Variants in ADK observed in about 807,000 individuals in gnomAD.
The protein encoded by ADK is N6,N6-dimethyladenosine kinase.
In ADK, 24 loss-of-function variants were observed where a neutral mutation model predicts 44.7. That is an observed-to-expected ratio of 0.54 (90% confidence interval 0.39 to 0.76). The LOEUF (loss-of-function observed/expected upper bound fraction) is 0.76. Among genes scored for constraint, ADK ranks in the 30% least tolerant of loss-of-function variants. ADK has a pLI of 0.00. For missense variants in ADK, 321 were observed against 425.1 expected (o/e 0.76, Z 2.15); for synonymous variants, 128 against 142.6 (o/e 0.90, Z 0.73).
chr10:74,414,753 A>G (rs1475431318), intron 6 of ADK, among the ~76,000 whole-genome samples: 1 of 152,086 alleles, frequency 6.6e-6, no homozygotes, highest in African/African-American at 2.4e-5. Context: ...CAGAGATCCT[A>G]TTTGTGTTTA....
chr10:74,279,642 T>C (rs552818205), intron 3 of ADK, among the ~76,000 whole-genome samples: 21 of 152,276 alleles, frequency 1.4e-4, no homozygotes, highest in African/African-American at 4.8e-4. Context: ...TGCCAAACTT[T>C]TGATTTTTTC....
At chr10:74,210,561 C>T (rs1843777321) in intron 2 of ADK, among the ~76,000 whole-genome samples, 1 of 151,628 alleles carries the variant, frequency 6.6e-6, no homozygotes, top group South Asian at 2.1e-4. Flanking sequence ...GAGGCTTTAG[C>T]TGTAGTGCAT....
chr10:74,289,198 C>T (rs974139832), intron 3 of ADK, among the ~76,000 whole-genome samples: 2 of 152,120 alleles, frequency 1.3e-5, no homozygotes, highest in South Asian at 4.1e-4. Context: ...CTAGGAACTA[C>T]AATTTATTTA....
chr10:74,498,522 CTTTA>C (rs891388156), intron 6 of ADK, among the ~76,000 whole-genome samples: 68 of 152,266 alleles, frequency 4.5e-4, no homozygotes, highest in African/African-American at 1.5e-3. Flanking sequence ...TAACTCTACA[CTTTA>C]TTTTTTATTT....
At chr10:74,165,957 C>A (rs1471720697) in intron 1 of ADK, among the ~76,000 whole-genome samples, 5 of 151,990 alleles carry the variant, frequency 3.3e-5, no homozygotes, top group African/African-American at 1.2e-4. Flanking sequence ...TCTTTTTTCT[C>A]ATGTTTCTTT....
intron 6 of ADK, among the ~76,000 whole-genome samples, chr10:74,504,137 A>G (rs773314893): frequency 6.6e-6 from 1 of 152,236 alleles, no homozygotes; most frequent in South Asian, 2.1e-4. Context: ...CAGACTCACA[A>G]GAGTGCTACA....
intron 6 of ADK, among the ~76,000 whole-genome samples, chr10:74,480,206 T>TTTTCTTTCTTTC (rs71024511): frequency 9.1e-5 from 13 of 142,614 alleles, no homozygotes; most frequent in African/African-American, 3.4e-4. Context: ...GGCAGCCTAA[T>TTTTCTTTCTTTC]TTTCTTTCTT....
chr10:74,447,860 A>G (rs1296666764), intron 6 of ADK, among the ~76,000 whole-genome samples: 1 of 152,186 alleles, frequency 6.6e-6, no homozygotes, highest in Middle Eastern at 3.2e-3. Flanking sequence ...ACAAAGTACA[A>G]AAGAAAAAGT....
chr10:74,306,641 G>A (rs1840259828), intron 3 of ADK, among the ~76,000 whole-genome samples: 1 of 152,160 alleles, frequency 6.6e-6, no homozygotes, highest in South Asian at 2.1e-4. Flanking sequence ...TTTTCTGTAT[G>A]AGGCTGATAC....
intron 9 of ADK, among the ~76,000 whole-genome samples, chr10:74,667,460 A>ATC (rs1268049537): frequency 6.6e-6 from 1 of 151,572 alleles, no homozygotes; most frequent in African/African-American, 2.4e-5. Context: ...ATATATATAT[A>ATC]TCTCCAGAAA....
At chr10:74,454,141 T>C (rs918698742) in intron 6 of ADK, among the ~76,000 whole-genome samples, 1 of 152,156 alleles carries the variant, frequency 6.6e-6, no homozygotes, top group Non-Finnish European at 1.5e-5. Context: ...TTAAAATCCT[T>C]TGACTTCATT....
intron 6 of ADK, among the ~76,000 whole-genome samples, chr10:74,473,203 C>A (rs1376973953): frequency 6.6e-6 from 1 of 151,780 alleles, no homozygotes; most frequent in East Asian, 1.9e-4. Flanking sequence ...GACACACACA[C>A]ACACACACAC....
intron 3 of ADK, among the ~76,000 whole-genome samples, chr10:74,262,269 C>A (rs1386112376): frequency 1.4e-5 from 2 of 147,412 alleles, no homozygotes; most frequent in Non-Finnish European, 3.0e-5. Context: ...GCTGTGATCA[C>A]GCCATTGCAC....
chr10:74,699,148 C>CTT (rs58818883), intron 10 of ADK, among the ~76,000 whole-genome samples: 6 of 123,918 alleles, frequency 4.8e-5, no homozygotes, highest in African/African-American at 1.2e-4. Flanking sequence ...CCAACCTAGC[C>CTT]TTTTTTTTTT....
At chr10:74,543,259 G>A (rs1203117262) in intron 7 of ADK, among the ~76,000 whole-genome samples, 1 of 151,278 alleles carries the variant, frequency 6.6e-6, no homozygotes, top group Non-Finnish European at 1.5e-5. Context: ...GCCCAGGCTG[G>A]TCTTGAACTC....
At chr10:74,565,529 A>G (rs906758690) in intron 7 of ADK, among the ~76,000 whole-genome samples, 1 of 152,050 alleles carries the variant, frequency 6.6e-6, no homozygotes, top group Admixed American at 6.6e-5. Context: ...GGAGTTCGAC[A>G]CCATCCTGAC....
intron 6 of ADK, among the ~76,000 whole-genome samples, chr10:74,486,273 G>A (rs946398028): frequency 6.6e-6 from 1 of 152,064 alleles, no homozygotes; most frequent in African/African-American, 2.4e-5. Context: ...TTCCCCTTCT[G>A]CCATAATTGT....
At chr10:74,619,864 G>T (rs146505936) in intron 9 of ADK, among the ~76,000 whole-genome samples, 2 of 152,184 alleles carry the variant, frequency 1.3e-5, no homozygotes, top group East Asian at 1.9e-4. Flanking sequence ...GGGACTACAG[G>T]CACATGCCAC....
At chr10:74,311,268 A>G (rs1339394395) in intron 3 of ADK, among the ~76,000 whole-genome samples, 1 of 152,214 alleles carries the variant, frequency 6.6e-6, no homozygotes, top group Non-Finnish European at 1.5e-5. Context: ...ATAGATGTAA[A>G]TCTATTTTAA....
Sources: gnomAD v4.1 joint callset for allele counts (sites outside exome capture counted in the v4.1 genomes callset) on GRCh38, gnomAD v4.1.1 for gene constraint, MANE v1.5 for transcripts, NCBI Gene and HGNC (gene_info 2026-07-23, HGNC 2026-07-21) for gene names.